Variants in PIGK observed in about 807,000 individuals in gnomAD.
The protein encoded by PIGK is GPI-anchor transamidase.
Under a neutral mutation model 50.6 loss-of-function variants are expected in PIGK, and 42 were observed. That is an observed-to-expected ratio of 0.83 (90% CI 0.65 to 1.07). The LOEUF is 1.07. PIGK is among the 50% of genes least tolerant of loss of function. The probability of loss-of-function intolerance (pLI) is 0.00; values close to 1 mark genes in which losing one functional copy is unlikely to be tolerated. For missense variants in PIGK, 448 were observed against 488.7 expected, an observed-to-expected ratio of 0.92 and a Z score of 0.78; for synonymous variants, 151 against 156.0, an observed-to-expected ratio of 0.97 and a Z score of 0.24.
chr1:77,176,728 TTATCAGTGCTA>T (rs956250537), intron 3 of PIGK, among the ~76,000 whole-genome samples: 5 of 152,152 alleles, frequency 3.3e-5, no homozygotes, highest in Non-Finnish European at 7.4e-5. Flanking sequence ...CATCAGTTAG[TTATCAGTGCTA>T]TACACCTAAA....
In PIGK at chr1:77,100,554, A is replaced by C. The variant is rs998946644; in HGVS notation, c.1072-8064T>G. 5.3e-5 allele frequency among the ~76,000 whole-genome samples: 8 copies of C among 152,178 alleles called. No individual in the cohort carries two copies. The South Asian group carries it at 1.7e-3, about 32-fold the overall frequency. On this transcript the variant is annotated intron_variant, in intron 10 of 10. Transcript: ENST00000370812. ...ATGATGCACTATCACTCCTATGATTAGGCTGAATTATATGGCATATGAGGG... is the reference window on the plus strand; with the variant it reads ...ATGATGCACTATCACTCCTATGATTCGGCTGAATTATATGGCATATGAGGG...
rs752037766 is a variant in PIGK, at chr1:77,154,531, C to G, written c.904G>C (p.Asp302His). The stretch of plus-strand genomic sequence containing the variant: ...ACTTTCCGTACACTTCCAAAGAAAT[C>G]AGTTATCAGTACATTTTTAGGATCC... Reference protein sequence around the residue: ...QRDPKNVLITDFFGSVRKVEI... With the variant: ...QRDPKNVLITHFFGSVRKVEI... Residue 302 changes from aspartate to histidine, a missense_variant, in exon 9 of 11, where the codon GAT becomes CAT. Asp to His is a moderately conservative substitution (Grantham distance 81, BLOSUM62 -1). Transcript: ENST00000370812. The G allele has an allele frequency of 1.9e-6, 3 of 1,610,700 alleles. No individual in the cohort carries two copies. The South Asian group carries it at 3.3e-5, about 18-fold the overall frequency.
intron 3 of PIGK, among the ~76,000 whole-genome samples, chr1:77,197,266 C>A (rs1401770047): frequency 6.6e-6 from 1 of 151,968 alleles, no homozygotes; most frequent in Non-Finnish European, 1.5e-5. Context: ...AAAACTAAGG[C>A]CAAGAGAGAT....
chr1:77,119,945 A>C (rs1484211011), intron 10 of PIGK, among the ~76,000 whole-genome samples: 1 of 152,196 alleles, frequency 6.6e-6, no homozygotes, highest in Non-Finnish European at 1.5e-5. Flanking sequence ...CAAGATGCTA[A>C]AAGAAATATC....
intron 10 of PIGK, among the ~76,000 whole-genome samples, chr1:77,104,520 A>G (rs895483944): frequency 2.6e-5 from 4 of 152,246 alleles, no homozygotes; most frequent in African/African-American, 9.6e-5. Context: ...GAAATTATTC[A>G]TAATGAAGCA....
At chr1:77,172,846 C>T (rs1456885902) in intron 3 of PIGK, among the ~76,000 whole-genome samples, 1 of 152,082 alleles carries the variant, frequency 6.6e-6, no homozygotes, top group African/African-American at 2.4e-5. Context: ...ATGGCATGAA[C>T]CTGGGAGGTG....
intron 3 of PIGK, among the ~76,000 whole-genome samples, chr1:77,182,064 G>T (rs1655628038): frequency 6.6e-6 from 1 of 152,106 alleles, no homozygotes; most frequent in South Asian, 2.1e-4. Context: ...AATAAAAACT[G>T]AAAAAATTGC....
At chr1:77,217,715 C>T (rs553064972) in intron 1 of PIGK, among the ~76,000 whole-genome samples, 1 of 152,224 alleles carries the variant, frequency 6.6e-6, no homozygotes, top group East Asian at 1.9e-4. Context: ...AATAACAGTA[C>T]AAACCATACA....
intron 9 of PIGK, among the ~76,000 whole-genome samples, chr1:77,136,442 C>G (rs6699688): frequency 6.8e-6 from 1 of 147,694 alleles, no homozygotes; most frequent in East Asian, 2.0e-4. Flanking sequence ...GGCAGGAGAA[C>G]GGCGTGAACC....
intron 10 of PIGK, among the ~76,000 whole-genome samples, chr1:77,095,338 G>C (rs749346625): frequency 2.6e-5 from 4 of 152,176 alleles, no homozygotes; most frequent in Non-Finnish European, 5.9e-5. Context: ...TTAGTTTTCT[G>C]TTTGGTATAT....
At chr1:77,191,686 T>C (rs1044599412) in intron 3 of PIGK, among the ~76,000 whole-genome samples, 2 of 152,252 alleles carry the variant, frequency 1.3e-5, no homozygotes, top group Non-Finnish European at 2.9e-5. Context: ...AGAACTCAGA[T>C]GTCTATTTTT....
rs771602251 is a variant in PIGK, at chr1:77,219,353, A to G, written c.50T>C (p.Val17Ala). 7 of 1,613,848 alleles carry G rather than the reference A, an allele frequency of 4.3e-6. No individual in the cohort carries two copies. Among genetic ancestry groups the G allele is most frequent in the Non-Finnish European group, 5.9e-6 (7 of 1,179,822 alleles). The change falls in exon 1 of 11, where the codon GTG (valine) becomes GCG (alanine). Residue 17 changes from valine to alanine, a missense_variant. Coordinates refer to ENST00000370812, the MANE Select transcript of PIGK (RefSeq NM_005482.3). ...CACGCTGCCGAAGGACAAGAGCAAC[A>G]CAGTTGCCAAGACAGTCGCAGCCCG... is the stretch of plus-strand genomic sequence containing the variant. ...LSRAATVLAT[V>A]LLLSFGSVAA...
Position 77,109,430 on chromosome 1 carries a change from C to T in PIGK, c.1071+12845G>A, listed in dbSNP as rs189767830. ...TCCACCATGATCAAGTGGGCTTCATCCCTGGGATGCAAGGCTGGTTCAATG... is the reference window on the plus strand; with the variant it reads ...TCCACCATGATCAAGTGGGCTTCATTCCTGGGATGCAAGGCTGGTTCAATG... On this transcript the variant is annotated intron_variant, in intron 10 of 10. Transcript: ENST00000370812. Among the ~76,000 whole-genome samples the T allele has an allele frequency of 3.4e-4, 52 of 152,294 alleles. 1 individual carries two copies. The highest frequency in any genetic ancestry group is 3.4e-3 in the Middle Eastern group (1 of 294).
At chr1:77,094,658 A>G (rs1480692582) in intron 10 of PIGK, among the ~76,000 whole-genome samples, 1 of 152,166 alleles carries the variant, frequency 6.6e-6, no homozygotes. Context: ...TCTTAAACTT[A>G]GCAGCCAGAA....
In PIGK at chr1:77,113,139, T is replaced by C. The variant is rs193245516; in HGVS notation, c.1071+9136A>G. Among the ~76,000 whole-genome samples the C allele has an allele frequency of 3.4e-4, 51 of 152,078 alleles. No homozygotes were observed. In the East Asian group the frequency reaches 8.5e-3, roughly 25 times the overall value. ...AAATCAAAATCTACTATAAAGCATA[T>C]TTAATGTCTTTAATATTTATAAAAA... On this transcript the variant is annotated intron_variant, in intron 10 of 10. Transcript: ENST00000370812.
chr1:77,140,502 A>T (rs560857234), intron 9 of PIGK, among the ~76,000 whole-genome samples: 83 of 152,256 alleles, frequency 5.5e-4, no homozygotes, highest in African/African-American at 1.8e-3. Context: ...ACAATAAGCC[A>T]ATTACCCAGT....
At chr1:77,126,331 T>C (rs1041552972) in intron 9 of PIGK, among the ~76,000 whole-genome samples, 1 of 152,192 alleles carries the variant, frequency 6.6e-6, no homozygotes, top group Non-Finnish European at 1.5e-5. Context: ...ATTATTTGTA[T>C]TGGCTTTTTT....
intron 3 of PIGK, among the ~76,000 whole-genome samples, chr1:77,192,921 A>G (rs1412568757): frequency 6.6e-6 from 1 of 152,156 alleles, no homozygotes; most frequent in Non-Finnish European, 1.5e-5. Context: ...TCTGATTAAT[A>G]TAGGTTTTAC....
At chr1:77,199,378 G>C (rs1291110123) in intron 3 of PIGK, among the ~76,000 whole-genome samples, 3 of 151,992 alleles carry the variant, frequency 2.0e-5, no homozygotes, top group African/African-American at 4.8e-5. Context: ...TTTTTAGGAA[G>C]TATTTTAGAA....
Sources: allele counts gnomAD v4.1 joint callset (sites outside exome capture counted in the v4.1 genomes callset), GRCh38; gene constraint gnomAD v4.1.1; transcripts MANE v1.5; gene names NCBI Gene and HGNC (gene_info 2026-07-23, HGNC 2026-07-21).